PDSS2: variants seen among roughly 807,000 people sequenced by gnomAD.
The protein encoded by PDSS2 is all trans-polyprenyl-diphosphate synthase PDSS2.
Under a neutral mutation model 44.5 loss-of-function variants are expected in PDSS2, and 31 were observed. The ratio of observed to expected loss-of-function variants is 0.70; its 90% CI spans 0.52 to 0.94. The LOEUF (loss-of-function observed/expected upper bound fraction) is 0.94, where lower values mean the gene tolerates loss of function less well. Among genes scored for constraint, PDSS2 ranks in the 40% least tolerant of loss-of-function variants. PDSS2 has a pLI of 0.00. For synonymous variants in PDSS2, 157 were observed against 180.3 expected (o/e 0.87, Z 1.03); for missense variants, 452 against 482.2 (o/e 0.94, Z 0.59).
intron 3 of PDSS2, among the ~76,000 whole-genome samples, chr6:107,273,570 T>C (rs143389816): frequency 1.2e-3 from 186 of 152,234 alleles, no homozygotes; most frequent in African/African-American, 4.3e-3. Context: ...GCTCGCATCA[T>C]AATATTATGT....
At chr6:107,409,258 T>C (rs1201754657) in intron 1 of PDSS2, among the ~76,000 whole-genome samples, 1 of 152,222 alleles carries the variant, frequency 6.6e-6, no homozygotes, top group Non-Finnish European at 1.5e-5. Context: ...ATGTCTGTTG[T>C]ATCATCTTGG....
intron 2 of PDSS2, among the ~76,000 whole-genome samples, chr6:107,297,942 C>G (rs1271395321): frequency 6.6e-6 from 1 of 152,032 alleles, no homozygotes; most frequent in African/African-American, 2.4e-5. Context: ...GACAGGGTTT[C>G]GCCATGTTGG....
At chr6:107,445,240 G>C (rs187034146) in intron 1 of PDSS2, among the ~76,000 whole-genome samples, 4 of 151,958 alleles carry the variant, frequency 2.6e-5, no homozygotes, top group Admixed American at 2.6e-4. Flanking sequence ...TAGGGAAACA[G>C]TAATAAAACC....
chr6:107,239,554 A>G (rs543766241), intron 4 of PDSS2, among the ~76,000 whole-genome samples: 20 of 151,760 alleles, frequency 1.3e-4, no homozygotes, highest in African/African-American at 1.5e-4. Flanking sequence ...ATTTCTGGGG[A>G]ATGGTTTTAT....
At chr6:107,208,346 G>GAC (rs1562375972) in intron 6 of PDSS2, among the ~76,000 whole-genome samples, 2 of 135,602 alleles carry the variant, frequency 1.5e-5, no homozygotes, top group African/African-American at 5.6e-5. Context: ...GCTCAGACTG[G>GAC]AGTGCAGTGG....
intron 3 of PDSS2, among the ~76,000 whole-genome samples, chr6:107,267,820 T>C (rs1395293365): frequency 6.6e-6 from 1 of 151,900 alleles, no homozygotes; most frequent in Non-Finnish European, 1.5e-5. Context: ...CTCCAACTCC[T>C]GGGCTCAAGC....
chr6:107,370,562 C>G (rs1219514898), intron 1 of PDSS2, among the ~76,000 whole-genome samples: 3 of 152,158 alleles, frequency 2.0e-5, no homozygotes, highest in Admixed American at 6.5e-5. Context: ...TTTAAGCCTG[C>G]TATTTAAGCA....
chr6:107,429,884 CAAAA>C (rs1163895804), intron 1 of PDSS2, among the ~76,000 whole-genome samples: 16 of 5,368 alleles, frequency 3.0e-3, no homozygotes, highest in East Asian at 8.9e-3. Flanking sequence ...AACTTAGTCT[CAAAA>C]AAAAAAAAAA....
intron 7 of PDSS2, among the ~76,000 whole-genome samples, chr6:107,169,176 A>G (rs9480746): frequency 6.6e-6 from 1 of 151,622 alleles, no homozygotes; most frequent in Non-Finnish European, 1.5e-5. Context: ...TTGTTTGTTT[A>G]TTTTTCCTCT....
chr6:107,275,509 C>T (rs1023968912), intron 2 of PDSS2, among the ~76,000 whole-genome samples: 4 of 152,016 alleles, frequency 2.6e-5, no homozygotes, highest in Non-Finnish European at 4.4e-5. Flanking sequence ...CATCAACAAA[C>T]AGTACACAAG....
intron 7 of PDSS2, among the ~76,000 whole-genome samples, chr6:107,158,405 G>T (rs963131781): frequency 2.0e-5 from 3 of 151,982 alleles, no homozygotes; most frequent in African/African-American, 7.2e-5. Context: ...GGCTGGTCTC[G>T]AACTCCTGAC....
chr6:107,231,710 G>A (rs146497648), intron 4 of PDSS2, among the ~76,000 whole-genome samples: 5 of 152,156 alleles, frequency 3.3e-5, no homozygotes, highest in African/African-American at 1.2e-4. Context: ...CTGGCTGGGC[G>A]CAGCACTTTG....
At chr6:107,429,901 A>AAAAAAAAATATATAT (rs1166637352) in intron 1 of PDSS2, among the ~76,000 whole-genome samples, 3 of 31,836 alleles carry the variant, frequency 9.4e-5, no homozygotes, top group Admixed American at 5.8e-4. Flanking sequence ...AAAAAAAAAA[A>AAAAAAAAATATATAT]ATATATATAT....
At chr6:107,278,515 A>G (rs1023291542) in intron 2 of PDSS2, among the ~76,000 whole-genome samples, 1 of 152,250 alleles carries the variant, frequency 6.6e-6, no homozygotes, top group Non-Finnish European at 1.5e-5. Context: ...TCACATAATG[A>G]GATTATGGGC....
intron 6 of PDSS2, among the ~76,000 whole-genome samples, chr6:107,200,658 G>C (rs1772737157): frequency 6.6e-6 from 1 of 152,004 alleles, no homozygotes; most frequent in South Asian, 2.1e-4. Context: ...ATTTCTAGCA[G>C]AGCAAGATAT....
intron 7 of PDSS2, among the ~76,000 whole-genome samples, chr6:107,160,011 T>C (rs1339240150): frequency 6.6e-6 from 1 of 151,290 alleles, no homozygotes; most frequent in African/African-American, 2.4e-5. Flanking sequence ...AGGTCAGGAG[T>C]TCGAGATCAG....
At chr6:107,378,124 G>A (rs1471124426) in intron 1 of PDSS2, among the ~76,000 whole-genome samples, 6 of 148,452 alleles carry the variant, frequency 4.0e-5, no homozygotes, top group Admixed American at 2.7e-4. Context: ...GGTAAAAGAA[G>A]GAAGCTTCCT....
At chr6:107,366,749 G>T (rs1288477611) in intron 1 of PDSS2, among the ~76,000 whole-genome samples, 1 of 151,896 alleles carries the variant, frequency 6.6e-6, no homozygotes, top group East Asian at 1.9e-4. Context: ...CAAATTCCTA[G>T]AGAGTCAGAC....
intron 7 of PDSS2, among the ~76,000 whole-genome samples, chr6:107,165,870 A>G (rs1771325596): frequency 6.6e-6 from 1 of 152,146 alleles, no homozygotes; most frequent in Admixed American, 6.6e-5. Flanking sequence ...TTCCTTGAAG[A>G]GGTCCTTCAC....
Sources: allele counts gnomAD v4.1 joint callset (sites outside exome capture counted in the v4.1 genomes callset), GRCh38; gene constraint gnomAD v4.1.1; transcripts MANE v1.5; gene names NCBI Gene and HGNC (gene_info 2026-07-23, HGNC 2026-07-21).